The following VDR variants were observed in gnomAD, a reference collection of about 807,000 sequenced individuals.
VDR encodes vitamin D3 receptor.
Under a neutral mutation model 39.7 loss-of-function variants are expected in VDR, and 19 were observed. That is an observed-to-expected ratio of 0.48 (90% CI 0.33 to 0.70). VDR has a LOEUF of 0.70. VDR is among the 30% of genes least tolerant of loss of function. The pLI is 0.02. For synonymous variants in VDR, 242 were observed against 215.8 expected (o/e 1.12, Z -1.07); for missense variants, 442 against 570.5 (o/e 0.77, Z 2.29).
chr12:47,845,222 C>T (rs1326203634), intron 9 of VDR, among the ~76,000 whole-genome samples: 2 of 152,002 alleles, frequency 1.3e-5, no homozygotes, highest in African/African-American at 4.8e-5. Context: ...TCCATGGGCG[C>T]ACCTGGCCCT....
chr12:47,892,232 G>A (rs4334089), intron 1 of VDR, among the ~76,000 whole-genome samples: 54,100 of 152,100 alleles, frequency 0.36, 11,751 homozygotes, highest in African/African-American at 0.61. Context: ...CCGGTCCCAT[G>A]CACGGCTGAT....
intron 2 of VDR, among the ~76,000 whole-genome samples, chr12:47,881,486 G>A (rs1343152160): frequency 2.0e-5 from 3 of 152,034 alleles, no homozygotes; most frequent in Non-Finnish European, 4.4e-5. Context: ...GAACCTATAA[G>A]AAAAGTTCAG....
intron 7 of VDR, among the ~76,000 whole-genome samples, chr12:47,855,009 A>G (rs1945453338): frequency 6.6e-6 from 1 of 152,138 alleles, no homozygotes; most frequent in South Asian, 2.1e-4. Flanking sequence ...CCTGGCCAAC[A>G]TGGCGAAACT....
chr12:47,903,877 C>T (rs539095431), intron 1 of VDR, among the ~76,000 whole-genome samples: 220 of 152,148 alleles, frequency 1.4e-3, no homozygotes, highest in Non-Finnish European at 2.1e-3. Flanking sequence ...ATCTCATAGC[C>T]ATTCCATAAG....
At chr12:47,895,590 C>T (rs3890733) in intron 1 of VDR, among the ~76,000 whole-genome samples, 40,915 of 152,040 alleles carry the variant, frequency 0.27, 6,249 homozygotes, top group Non-Finnish European at 0.34. Flanking sequence ...CTATCCCACT[C>T]TATAACAGTT....
chr12:47,849,188 G>T (rs937285283), intron 7 of VDR, among the ~76,000 whole-genome samples: 3 of 152,196 alleles, frequency 2.0e-5, no homozygotes, highest in Admixed American at 6.5e-5. Flanking sequence ...TATATATAAA[G>T]ATGGGAAGCT....
intron 2 of VDR, among the ~76,000 whole-genome samples, chr12:47,880,859 T>TAATATA (rs1946134039): frequency 7.0e-6 from 1 of 142,772 alleles, no homozygotes; most frequent in African/African-American, 2.6e-5. Context: ...TAAATACATA[T>TAATATA]TAATATATAT....
At chr12:47,865,002 G>C (rs1414959651) in intron 4 of VDR, 45 bp downstream of exon 4, 1 of 1,609,828 alleles carries the variant, frequency 6.2e-7, no homozygotes, top group Admixed American at 1.7e-5. Flanking sequence ...GCCTTTCCCT[G>C]ACTCCACTTC....
rs2137262994 is a variant in VDR, at chr12:47,904,972, T to C, written c.-101A>G. ...GTTCGCACCTGGTCCGGCCGGCGGG[T>C]GGACAAGCTGTTCCGCGCTCCCGGC... is the stretch of plus-strand genomic sequence containing the variant. On this transcript the variant is annotated 5_prime_UTR_variant, in exon 1 of 10. Coordinates refer to ENST00000549336, the MANE Select transcript of VDR (RefSeq NM_000376.3). The C allele has an allele frequency of 5.5e-6, 1 of 181,948 alleles. No individual in the cohort carries two copies. The highest frequency in any genetic ancestry group is 1.1e-4 in the South Asian group (1 of 8,720). 11.3% of individuals were successfully genotyped at this position (181,948 alleles called of 1,614,324 possible). A position where few individuals can be genotyped will look rare whatever the true frequency, so the allele number is the denominator to read the frequency against.
At chr12:47,857,810 G>T (rs1475448925) in intron 4 of VDR, 122 bp from the exon 5 acceptor site, 5 of 1,097,170 alleles carry the variant, frequency 4.6e-6, no homozygotes, top group Non-Finnish European at 6.5e-6. Context: ...CTCCCTCGGG[G>T]GTCCTCCTGC....
chr12:47,848,216 G>T (rs1464024231), intron 7 of VDR, among the ~76,000 whole-genome samples: 1 of 151,692 alleles, frequency 6.6e-6, no homozygotes, highest in East Asian at 1.9e-4. Flanking sequence ...TTTTTTGTAG[G>T]GATGGTGTCT....
At chr12:47,899,784 C>T in intron 1 of VDR, 2 of 601,412 alleles carry the variant, frequency 3.3e-6, no homozygotes, top group Non-Finnish European at 4.2e-6. Context: ...GGCTGCATCT[C>T]TTTAGACCTT....
intron 1 of VDR, among the ~76,000 whole-genome samples, chr12:47,884,344 G>A (rs968862390): frequency 8.5e-5 from 13 of 152,148 alleles, no homozygotes; most frequent in Non-Finnish European, 1.0e-4. Context: ...TGTGAGGCAG[G>A]GAGCAGTCCT....
chr12:47,864,337 C>G (rs1187387268), intron 4 of VDR, among the ~76,000 whole-genome samples: 1 of 152,212 alleles, frequency 6.6e-6, no homozygotes, highest in Non-Finnish European at 1.5e-5. Flanking sequence ...TCAAAATATC[C>G]ATGTAAATAT....
At chr12:47,863,873 C>A (rs73293254) in intron 4 of VDR, among the ~76,000 whole-genome samples, 23 of 152,350 alleles carry the variant, frequency 1.5e-4, no homozygotes, top group African/African-American at 5.1e-4. Context: ...TGTGTCCCAA[C>A]AACAGATAAT....
rs1945176901 is a variant in VDR, at chr12:47,841,820, C to T, written c.*2926G>A. On this transcript the variant is annotated 3_prime_UTR_variant, in exon 10 of 10. Transcript: ENST00000549336. Reference sequence around the variant, plus strand: ...TCCAGTTAGCCAGCCAGAGGATTTTCCTGTCTCTGGGAATCTTGTGGAAAA... The same window carrying T: ...TCCAGTTAGCCAGCCAGAGGATTTTTCTGTCTCTGGGAATCTTGTGGAAAA... 6.6e-6 allele frequency: 1 copy of T among 152,334 alleles called. No individual in the cohort carries two copies. The highest frequency in any genetic ancestry group is 1.5e-5 in the Non-Finnish European group (1 of 68,046). 9.4% of individuals were successfully genotyped at this position (152,334 alleles called of 1,614,324 possible).
At chr12:47,845,809 C>T (rs748176830) in intron 9 of VDR, among the ~76,000 whole-genome samples, 18 of 152,234 alleles carry the variant, frequency 1.2e-4, no homozygotes, top group Non-Finnish European at 2.5e-4. Context: ...TGGACCTCAT[C>T]ACCGACATCA....
At chr12:47,874,645 G>A (rs1311969036) in intron 3 of VDR, among the ~76,000 whole-genome samples, 1 of 152,172 alleles carries the variant, frequency 6.6e-6, no homozygotes, top group African/African-American at 2.4e-5. Flanking sequence ...CATCCCAACA[G>A]GGAGGAAGAA....
intron 6 of VDR, 29 bp downstream of exon 6, chr12:47,857,100 A>G (rs771616862): frequency 6.2e-7 from 1 of 1,613,396 alleles, no homozygotes; most frequent in Non-Finnish European, 8.5e-7. Flanking sequence ...CCGCTCCCTT[A>G]CTCTATGGAG....
Sources: gnomAD v4.1 joint callset for allele counts (sites outside exome capture counted in the v4.1 genomes callset) on GRCh38, gnomAD v4.1.1 for gene constraint, MANE v1.5 for transcripts, NCBI Gene and HGNC (gene_info 2026-07-23, HGNC 2026-07-21) for gene names.